Variants in ECPAS observed in about 807,000 individuals in gnomAD.
The protein encoded by ECPAS is Ecm29 proteasome adaptor and scaffold.
ECPAS carries 70 observed loss-of-function variants against 255.1 expected under a neutral mutation model. The observed-to-expected ratio is 0.27, with a 90% CI of 0.23 to 0.33. The LOEUF (loss-of-function observed/expected upper bound fraction) is 0.33, where lower values mean the gene tolerates loss of function less well. ECPAS is among the 10% of genes least tolerant of loss of function. The probability of loss-of-function intolerance (pLI) is 1.00; values close to 1 mark genes in which losing one functional copy is unlikely to be tolerated. For missense variants in ECPAS, 1,817 were observed against 2,206.4 expected (o/e 0.82, Z 3.54); for synonymous variants, 784 against 775.0 (o/e 1.01, Z -0.19).
At chr9:111,480,294 T>C (rs2098302760) in intron 1 of ECPAS, among the ~76,000 whole-genome samples, 1 of 72,910 alleles carries the variant, frequency 1.4e-5, no homozygotes, top group African/African-American at 5.2e-5. Context: ...CACCTTTTCT[T>C]TTTTTTTTTT....
At chr9:111,473,915 C>T (rs1396815354) in intron 1 of ECPAS, among the ~76,000 whole-genome samples, 4 of 151,804 alleles carry the variant, frequency 2.6e-5, no homozygotes, top group East Asian at 1.9e-4. Flanking sequence ...TGCAGTGAGC[C>T]GAAATCACAC....
In ECPAS at chr9:111,371,834, G is replaced by T. The variant is rs1399034077; in HGVS notation, c.4529-5C>A. On this transcript the variant is annotated splice_region_variant and splice_polypyrimidine_tract_variant and intron_variant, in intron 42 of 49. Transcript: ENST00000684092. ...ATCGAATGCCACCAAAGGATCCTAG[G>T]AAAGCAAAATTAAAACAACTTTTAA... The T allele has an allele frequency of 6.3e-7, 1 of 1,596,664 alleles. No individual in the cohort carries two copies. The highest frequency in any genetic ancestry group is 1.1e-5 in the South Asian group (1 of 88,814).
At chr9:111,481,595 G>A (rs1010807523) in intron 1 of ECPAS, among the ~76,000 whole-genome samples, 3 of 152,110 alleles carry the variant, frequency 2.0e-5, no homozygotes, top group Admixed American at 1.3e-4. Flanking sequence ...TTACATTTCT[G>A]GGTATGTACC....
intron 2 of ECPAS, among the ~76,000 whole-genome samples, chr9:111,456,085 T>C (rs1450207709): frequency 6.6e-6 from 1 of 152,234 alleles, no homozygotes; most frequent in Non-Finnish European, 1.5e-5. Flanking sequence ...TCTTTTGGTA[T>C]ATGGAGGGAT....
At chr9:111,433,186 A>T (rs558969407) in intron 8 of ECPAS, 47 bp downstream of exon 8, 2 of 1,580,752 alleles carry the variant, frequency 1.3e-6, no homozygotes, top group South Asian at 1.1e-5. Flanking sequence ...GTAAGTTTTT[A>T]GAAATGTAGT....
At position 111,366,297 on chromosome 9, in the gene ECPAS, A is replaced by T; in HGVS notation, c.5250T>A (p.Asp1750Glu). ...GCAGAATTTCAGCCAAAGCCTCAGG[A>T]TCGGCATGTTCTTCTTCCAAAAGCA... ...GLMLLEEEHA[D>E]PEALAEILLE... The change falls in exon 48 of 50, where the codon GAT becomes GAA. Residue 1750 changes from aspartate to glutamate, a missense_variant. Transcript: ENST00000684092. 1 of 1,578,764 alleles carries T rather than the reference A, an allele frequency of 6.3e-7. No homozygotes were observed. Among genetic ancestry groups the T allele is most frequent in the Non-Finnish European group, 8.6e-7 (1 of 1,160,814 alleles).
chr9:111,434,617 T>C (rs1589193924), intron 7 of ECPAS, among the ~76,000 whole-genome samples: 1 of 137,744 alleles, frequency 7.3e-6, no homozygotes, highest in South Asian at 2.3e-4. Flanking sequence ...TGAGACAGAG[T>C]CTCCCTCTGT....
chr9:111,459,446 A>G (rs554147931), intron 2 of ECPAS, among the ~76,000 whole-genome samples: 33 of 152,278 alleles, frequency 2.2e-4, no homozygotes, highest in African/African-American at 7.7e-4. Flanking sequence ...AAGTATTTTA[A>G]TAAATCAGAA....
intron 2 of ECPAS, among the ~76,000 whole-genome samples, chr9:111,467,979 C>T (rs539888834): frequency 6.6e-6 from 1 of 151,944 alleles, no homozygotes; most frequent in Admixed American, 6.6e-5. Flanking sequence ...ATGATGAAAC[C>T]CCATCTCTAT....
chr9:111,414,022 A>G (rs1352680636), intron 19 of ECPAS, 36 bp from the exon 20 acceptor site: 2 of 1,406,490 alleles, frequency 1.4e-6, no homozygotes, highest in Non-Finnish European at 2.0e-6. Flanking sequence ...AAATTTCAAG[A>G]AAAGTAATGA....
chr9:111,426,354 A>G (rs1554791825), intron 10 of ECPAS, among the ~76,000 whole-genome samples: 1 of 151,776 alleles, frequency 6.6e-6, no homozygotes, highest in Non-Finnish European at 1.5e-5. Context: ...TTTTATGACA[A>G]AGATTACTTA....
At chr9:111,461,768 G>T (rs534931237) in intron 2 of ECPAS, among the ~76,000 whole-genome samples, 1 of 152,146 alleles carries the variant, frequency 6.6e-6, no homozygotes, top group Non-Finnish European at 1.5e-5. Context: ...AATTCACAAA[G>T]GAAAGAGGTT....
rs2098144848 is a variant in ECPAS at position 111,384,504 on chromosome 9, G to C, written c.3681+18C>G. On this transcript the variant is annotated intron_variant, in intron 34 of 49. Transcript: ENST00000684092. ...AACCCTGCTCCACTCCATTCCCAAT[G>C]TAAGACGGGGTTTTCACCTTGCTCA... The C allele has an allele frequency of 6.2e-7, 1 of 1,610,852 alleles. No homozygotes were observed.
At chr9:111,450,923 T>C (rs1016081042) in intron 3 of ECPAS, among the ~76,000 whole-genome samples, 9 of 151,948 alleles carry the variant, frequency 5.9e-5, no homozygotes, top group African/African-American at 2.2e-4. Context: ...AGACCCTATC[T>C]CAAAAAACAA....
In ECPAS at chr9:111,376,461, ATTT is replaced by A; in HGVS notation, c.4020+12_4020+14del. 3 of 1,572,038 alleles carry A rather than the reference ATTT, an allele frequency of 1.9e-6. No individual in the cohort carries two copies. The highest frequency in any genetic ancestry group is 2.6e-6 in the Non-Finnish European group (3 of 1,154,726). On this transcript the variant is annotated intron_variant, in intron 37 of 49. Transcript: ENST00000684092. Reference sequence around the variant, plus strand: ...TAAGCAAACAAACCCTCTCATTATTATTTAAGACACTCACCATGTTGATTGTTT... The same window carrying A: ...TAAGCAAACAAACCCTCTCATTATTAAAGACACTCACCATGTTGATTGTTT...
At chr9:111,376,914 C>T (rs1029995438) in intron 36 of ECPAS, among the ~76,000 whole-genome samples, 3 of 152,312 alleles carry the variant, frequency 2.0e-5, no homozygotes, top group African/African-American at 4.8e-5. Context: ...TTTATACGTG[C>T]AGTTCTTTAA....
At chr9:111,466,616 T>C (rs1258401848) in intron 2 of ECPAS, among the ~76,000 whole-genome samples, 2 of 143,382 alleles carry the variant, frequency 1.4e-5, no homozygotes, top group Non-Finnish European at 3.1e-5. Context: ...AATAACTAAA[T>C]ACACACACAC....
chr9:111,400,050 T>G (rs2098173395), intron 24 of ECPAS, among the ~76,000 whole-genome samples: 3 of 152,194 alleles, frequency 2.0e-5, no homozygotes, highest in Admixed American at 6.5e-5. Flanking sequence ...CAGCTTATTG[T>G]GGAGAGACAC....
chr9:111,421,554 T>C (rs529692887), intron 15 of ECPAS, among the ~76,000 whole-genome samples: 20 of 152,224 alleles, frequency 1.3e-4, no homozygotes, highest in African/African-American at 4.8e-4. Flanking sequence ...AGACTCACTT[T>C]GACATATGGA....
Sources: gnomAD v4.1 joint callset for allele counts (sites outside exome capture counted in the v4.1 genomes callset) on GRCh38, gnomAD v4.1.1 for gene constraint, MANE v1.5 for transcripts, NCBI Gene and HGNC (gene_info 2026-07-23, HGNC 2026-07-21) for gene names.